DIAPH2: variants seen among roughly 807,000 people sequenced by gnomAD.
DIAPH2 encodes the protein diaphanous related formin 2.
In DIAPH2, 35 loss-of-function variants were observed where a neutral mutation model predicts 92.7. That is an observed-to-expected ratio of 0.38 (90% CI 0.29 to 0.50). The LOEUF (loss-of-function observed/expected upper bound fraction) is 0.50, where lower values mean the gene tolerates loss of function less well. Ranked by LOEUF, DIAPH2 falls within the 20% of genes least tolerant of loss-of-function variation. DIAPH2 has a pLI of 0.94. For synonymous variants in DIAPH2, 301 were observed against 280.4 expected (o/e 1.07, Z -0.73); for missense variants, 701 against 819.5 (o/e 0.86, Z 1.77).
intron 26 of DIAPH2, among the ~76,000 whole-genome samples, chrX:97,514,434 A>G (rs1184708091): frequency 9.2e-6 from 1 of 108,328 alleles, no homozygotes; most frequent in Non-Finnish European, 1.9e-5. Context: ...AAAGTTTTCA[A>G]CTTCTTTGCC....
intron 1 of DIAPH2, among the ~76,000 whole-genome samples, chrX:96,696,096 G>T (rs1428317958): frequency 1.8e-5 from 2 of 111,473 alleles, no homozygotes; most frequent in African/African-American, 6.5e-5. Context: ...ATTTAAAAAG[G>T]TTGGGCTGGG....
intron 4 of DIAPH2, among the ~76,000 whole-genome samples, chrX:96,763,539 C>T (rs1395423185): frequency 9.0e-6 from 1 of 111,376 alleles, no homozygotes; most frequent in Non-Finnish European, 1.9e-5. Flanking sequence ...ATGAAAACAA[C>T]CCTTTCCATG....
chrX:97,298,137 TA>T (rs774415992), intron 23 of DIAPH2, among the ~76,000 whole-genome samples: 180 of 109,591 alleles, frequency 1.6e-3, no homozygotes, highest in African/African-American at 5.6e-3. Context: ...CTACCTTAAC[TA>T]AATTAATTTT....
At chrX:97,199,392 G>A (rs2067729993) in intron 22 of DIAPH2, among the ~76,000 whole-genome samples, 1 of 111,181 alleles carries the variant, frequency 9.0e-6, no homozygotes, top group African/African-American at 3.3e-5. Flanking sequence ...ACATGTATAT[G>A]TATATGTGTG....
chrX:97,159,921 T>G (rs2067354580), intron 22 of DIAPH2, among the ~76,000 whole-genome samples: 1 of 111,360 alleles, frequency 9.0e-6, no homozygotes, highest in Admixed American at 9.6e-5. Flanking sequence ...GCTACAGGAC[T>G]GCCAGCTTCA....
intron 26 of DIAPH2, among the ~76,000 whole-genome samples, chrX:97,560,359 A>ATAC (rs1435533220): frequency 4.4e-5 from 5 of 112,472 alleles, no homozygotes; most frequent in Non-Finnish European, 9.4e-5. Flanking sequence ...AGCTTGCAGT[A>ATAC]TACCATGTAT....
At chrX:97,323,583 T>C (rs1171246458) in intron 23 of DIAPH2, among the ~76,000 whole-genome samples, 3 of 48,021 alleles carry the variant, frequency 6.2e-5, no homozygotes, top group Admixed American at 3.3e-4. Context: ...AGAGTGAGAC[T>C]CCGTCTCAAG....
chrX:96,870,424 G>T (rs1301980147), intron 4 of DIAPH2, among the ~76,000 whole-genome samples: 1 of 93,592 alleles, frequency 1.1e-5, no homozygotes, highest in African/African-American at 4.4e-5. Flanking sequence ...ACCATGCCCA[G>T]CTAATTTTTT....
At chrX:96,966,416 C>T (rs753207573) in intron 17 of DIAPH2, among the ~76,000 whole-genome samples, 24 of 112,328 alleles carry the variant, frequency 2.1e-4, no homozygotes, top group African/African-American at 7.7e-4. Flanking sequence ...GGTAGTTTAA[C>T]AAATGTAAAT....
intron 22 of DIAPH2, among the ~76,000 whole-genome samples, chrX:97,209,279 A>G (rs907112559): frequency 9.0e-6 from 1 of 111,266 alleles, no homozygotes; most frequent in Non-Finnish European, 1.9e-5. Context: ...AAATAAGCAT[A>G]TGAGTTTCAT....
intron 26 of DIAPH2, among the ~76,000 whole-genome samples, chrX:97,451,419 A>T (rs1197733895): frequency 9.0e-6 from 1 of 111,631 alleles, no homozygotes; most frequent in African/African-American, 3.2e-5. Flanking sequence ...TATATTAGAA[A>T]GGGAAGCATT....
intron 16 of DIAPH2, among the ~76,000 whole-genome samples, chrX:96,964,198 A>G (rs1221601807): frequency 9.0e-6 from 1 of 111,674 alleles, no homozygotes; most frequent in Non-Finnish European, 1.9e-5. Context: ...TGGTTTAAAC[A>G]GAATGATGGT....
rs149078683 is a variant in DIAPH2 at position 96,982,948 on chromosome X, A to G, written c.2050+17741A>G. 9.4e-3 allele frequency among the ~76,000 whole-genome samples: 1,045 copies of G among 111,614 alleles called. 12 individuals are homozygous for G. The highest frequency in any genetic ancestry group is 0.011 in the Non-Finnish European group (598 of 53,093). On this transcript the variant is annotated intron_variant, in intron 17 of 26. Coordinates refer to ENST00000324765, the MANE Select transcript of DIAPH2 (RefSeq NM_006729.5). ...TTTGGGACACAAGCGATTTTTAAAT[A>G]CTTCAGACTGCGGCAAAATTTAGCT...
intron 17 of DIAPH2, among the ~76,000 whole-genome samples, chrX:97,023,325 C>T (rs2066310449): frequency 1.8e-5 from 2 of 110,962 alleles, no homozygotes; most frequent in South Asian, 7.7e-4. Context: ...ATTCTGTACA[C>T]CTATGAATTG....
chrX:97,580,880 T>C (rs1291816956), intron 26 of DIAPH2, among the ~76,000 whole-genome samples: 1 of 102,685 alleles, frequency 9.7e-6, no homozygotes, highest in Non-Finnish European at 2.0e-5. Flanking sequence ...ATTCAACTTC[T>C]TCCTGGTTTA....
chrX:97,233,037 T>G (rs1432449053), intron 22 of DIAPH2, among the ~76,000 whole-genome samples: 1 of 112,615 alleles, frequency 8.9e-6, no homozygotes, highest in African/African-American at 3.2e-5. Context: ...GATACTCCCA[T>G]CAATTTATAC....
chrX:97,280,901 C>T (rs1030880998), intron 23 of DIAPH2, among the ~76,000 whole-genome samples: 13 of 111,799 alleles, frequency 1.2e-4, no homozygotes, highest in African/African-American at 4.2e-4. Flanking sequence ...ATTAAAACCA[C>T]CAGATCTTTT....
chrX:96,795,716 G>A (rs1158399163), intron 4 of DIAPH2, among the ~76,000 whole-genome samples: 32 of 110,999 alleles, frequency 2.9e-4, no homozygotes, highest in African/African-American at 9.8e-5. Flanking sequence ...GGTCATATTC[G>A]TTGTCCTGAC....
intron 23 of DIAPH2, among the ~76,000 whole-genome samples, chrX:97,269,529 A>T (rs1338791182): frequency 8.9e-6 from 1 of 111,866 alleles, no homozygotes; most frequent in Non-Finnish European, 1.9e-5. Context: ...AAATCATTTA[A>T]TCCTGTTCAT....
Sources: allele counts gnomAD v4.1 joint callset (sites outside exome capture counted in the v4.1 genomes callset), GRCh38; gene constraint gnomAD v4.1.1; transcripts MANE v1.5; gene names NCBI Gene and HGNC (gene_info 2026-07-23, HGNC 2026-07-21).